CMYA5: variants seen among roughly 807,000 people sequenced by gnomAD.
CMYA5 encodes cardiomyopathy associated 5.
Under a neutral mutation model 318.9 loss-of-function variants are expected in CMYA5, and 246 were observed. The ratio of observed to expected loss-of-function variants is 0.77; its 90% confidence interval spans 0.70 to 0.86. CMYA5 has a LOEUF of 0.86. Among genes scored for constraint, CMYA5 ranks in the 40% least tolerant of loss-of-function variants. The probability of loss-of-function intolerance (pLI) is 0.00; values close to 1 mark genes in which losing one functional copy is unlikely to be tolerated. For missense variants in CMYA5, 4,589 were observed against 4,678.2 expected (o/e 0.98, Z 0.56); for synonymous variants, 1,641 against 1,729.5 (o/e 0.95, Z 1.27).
At chr5:79,703,894 C>T (rs184948700) in intron 1 of CMYA5, among the ~76,000 whole-genome samples, 2 of 152,266 alleles carry the variant, frequency 1.3e-5, no homozygotes, top group African/African-American at 4.8e-5. Flanking sequence ...AGTTTGAGGC[C>T]AGCCTTGTCC....
At position 79,737,933 on chromosome 5, in the gene CMYA5, T is replaced by A. The variant is rs746005901; in HGVS notation, c.9168T>A (p.Tyr3056Ter). Residue 3056 changes from tyrosine (Y) to a stop codon, truncating the protein, a stop_gained, in exon 2 of 13, where the codon TAT becomes TAA. Transcript: ENST00000446378. LOFTEE classifies it high-confidence loss of function. Reference sequence around the variant, plus strand: ...GTGAAGAGGATTATTTTGAAAAATATACTTTGATTGATTATAACATCTCCC... The same window carrying A: ...GTGAAGAGGATTATTTTGAAAAATAAACTTTGATTGATTATAACATCTCCC... ...IPSEEDYFEK[Y>*]TLIDYNISPD... The A allele has an allele frequency of 1.2e-6, 2 of 1,607,416 alleles. No homozygotes were observed. The highest frequency in any genetic ancestry group is 1.7e-6 in the Non-Finnish European group (2 of 1,178,414).
At chr5:79,709,983 AAAAAAGAAAGAAAG>A in intron 1 of CMYA5, among the ~76,000 whole-genome samples, 1 of 149,794 alleles carries the variant, frequency 6.7e-6, no homozygotes, top group Non-Finnish European at 1.5e-5. Flanking sequence ...AAAAAAAAAA[AAAAAAGAAAGAAAG>A]AAAAAGAAAA....
chr5:79,772,113 A>G lies in CMYA5; in HGVS notation c.11555+8904A>G, dbSNP rs183194839. Among the ~76,000 whole-genome samples the G allele has an allele frequency of 1.7e-3, 249 of 149,778 alleles. 5 individuals carry two copies. The highest frequency in any genetic ancestry group is 2.2e-4 in the Non-Finnish European group (15 of 66,996). On this transcript the variant is annotated intron_variant, in intron 9 of 12. Coordinates refer to ENST00000446378, the MANE Select transcript of CMYA5 (RefSeq NM_153610.5). The stretch of plus-strand genomic sequence containing the variant: ...AGCCAGAGAAACCAATGACAGTTCC[A>G]TTTGTAGGAAAAAAAAAAGACCATC...
In CMYA5 at chr5:79,773,526, G is replaced by A. The variant is rs1006753577; in HGVS notation, c.11555+10317G>A. ...CTGGATTTCATGCAAAAACTCTATA[G>A]TACTAAACTAGCTCCAAAAATTGAT... is the stretch of plus-strand genomic sequence containing the variant. On this transcript the variant is annotated intron_variant, in intron 9 of 12. Coordinates refer to ENST00000446378, the MANE Select transcript of CMYA5 (RefSeq NM_153610.5). Among the ~76,000 whole-genome samples the A allele has an allele frequency of 1.7e-4, 26 of 152,154 alleles. 1 individual carries two copies. Among genetic ancestry groups the A allele is most frequent in the African/African-American group, 5.5e-4 (23 of 41,442 alleles).
intron 1 of CMYA5, among the ~76,000 whole-genome samples, chr5:79,723,215 T>C (rs561089986): frequency 1.3e-5 from 2 of 151,046 alleles, no homozygotes; most frequent in African/African-American, 4.9e-5. Context: ...CCGAGGTGGG[T>C]GCATCATGAG....
At chr5:79,792,573 A>G (rs1829199383) in intron 11 of CMYA5, among the ~76,000 whole-genome samples, 1 of 152,298 alleles carries the variant, frequency 6.6e-6, no homozygotes, top group East Asian at 1.9e-4. Flanking sequence ...GAGGTTGAGT[A>G]AAGACATGAA....
chr5:79,694,789 G>A (rs1827035589), intron 1 of CMYA5, among the ~76,000 whole-genome samples: 2 of 152,246 alleles, frequency 1.3e-5, no homozygotes, highest in African/African-American at 4.8e-5. Flanking sequence ...GCTTACCTAG[G>A]TGTTTTGACA....
chr5:79,733,420 C>T lies in CMYA5; in HGVS notation c.4655C>T (p.Pro1552Leu). 1 of 1,613,774 alleles carries T rather than the reference C, an allele frequency of 6.2e-7. No homozygotes were observed. The highest frequency in any genetic ancestry group is 8.5e-7 in the Non-Finnish European group (1 of 1,179,830). The change falls in exon 2 of 13, where the codon CCT (proline) becomes CTT (leucine). Residue 1552 changes from proline to leucine, a missense_variant. Physicochemically the swap from Pro to Leu is moderately conservative, Grantham distance 98 (BLOSUM62 -3). This residue lies in a region of CMYA5 where 2,132 missense variants were observed against 2,131.3 expected (regional missense o/e 1.00). Transcript: ENST00000446378. ...TELPSSQNVS[P>L]ASKHIIPKGK... Reference sequence around the variant, plus strand: ...CTTCCTTCATCACAAAATGTGTCACCTGCATCCAAACATATAATCCCAAAA... The same window carrying T: ...CTTCCTTCATCACAAAATGTGTCACTTGCATCCAAACATATAATCCCAAAA...
In CMYA5 at chr5:79,733,022, G is replaced by A; in HGVS notation, c.4257G>A (p.Val1419=). The A allele has an allele frequency of 1.2e-6, 2 of 1,613,280 alleles. No individual in the cohort carries two copies. Among genetic ancestry groups the A allele is most frequent in the Non-Finnish European group, 1.7e-6 (2 of 1,179,618 alleles). Residue 1419 remains valine, a synonymous_variant, in exon 2 of 13, where the codon GTG becomes GTA. Coordinates refer to ENST00000446378, the MANE Select transcript of CMYA5 (RefSeq NM_153610.5). ...EHSVLAEEDK[V]AIKGASPIET... Reference sequence around the variant, plus strand: ...CAGTTCTTGCAGAAGAAGACAAGGTGGCAATTAAAGGTGCTTCTCCCATTG... The same window carrying A: ...CAGTTCTTGCAGAAGAAGACAAGGTAGCAATTAAAGGTGCTTCTCCCATTG...
In CMYA5 at chr5:79,729,680, C is replaced by T. The variant is rs76977444; in HGVS notation, c.915C>T (p.Gly305=). 0.011 allele frequency: 17,712 copies of T among 1,613,538 alleles called. 150 individuals carry two copies. Among genetic ancestry groups the T allele is most frequent in the Middle Eastern group, 0.015 (92 of 6,062 alleles). Residue 305 remains glycine, a synonymous_variant, in exon 2 of 13, where the codon GGC becomes GGT. Transcript: ENST00000446378. ...AAGAGGTTTTTCCACCCTGGAGAGG[C>T]GCACTCTCCAAAGGATCAGAGTCCC... is the stretch of plus-strand genomic sequence containing the variant. ...KVKEVFPPWR[G]ALSKGSESLT... is the part of the protein sequence containing the mutation.
At chr5:79,695,904 C>T (rs1219870359) in intron 1 of CMYA5, among the ~76,000 whole-genome samples, 1 of 152,178 alleles carries the variant, frequency 6.6e-6, no homozygotes, top group African/African-American at 2.4e-5. Context: ...GGTTCCAGCT[C>T]TTGTGCTGCT....
chr5:79,696,823 T>C (rs1446127739), intron 1 of CMYA5, among the ~76,000 whole-genome samples: 2 of 152,068 alleles, frequency 1.3e-5, no homozygotes, highest in Non-Finnish European at 2.9e-5. Flanking sequence ...CTGGCCAACA[T>C]GGCGAAACCC....
rs1828032853 is a variant in CMYA5 at position 79,735,378 on chromosome 5, C to T, written c.6613C>T (p.Gln2205Ter). 1.9e-6 allele frequency: 3 copies of T among 1,613,870 alleles called. No homozygotes were observed. Among genetic ancestry groups the T allele is most frequent in the Non-Finnish European group, 2.5e-6 (3 of 1,179,806 alleles). Residue 2205 changes from glutamine (Q) to a stop codon, truncating the protein, a stop_gained, in exon 2 of 13, where the codon CAG (glutamine) becomes TAG (stop). Coordinates refer to ENST00000446378, the MANE Select transcript of CMYA5 (RefSeq NM_153610.5). LOFTEE classifies it high-confidence loss of function. ...KVAEQEDLET[Q>*]PSPSVEKAVT... Reference sequence around the variant, plus strand: ...TGCTGAACAAGAAGACTTAGAAACACAGCCAAGTCCATCCGTAGAAAAAGC... The same window carrying T: ...TGCTGAACAAGAAGACTTAGAAACATAGCCAAGTCCATCCGTAGAAAAAGC...
intron 1 of CMYA5, among the ~76,000 whole-genome samples, chr5:79,727,880 C>T (rs546947021): frequency 1.1e-4 from 17 of 152,290 alleles, no homozygotes; most frequent in Admixed American, 7.2e-4. Context: ...GACCAGTCCA[C>T]GGACACAGCC....
In CMYA5 at chr5:79,799,363, A is replaced by T; in HGVS notation, c.11964-7A>T. ...AGTTTTATGTTTCCCATTCGCTTTC[A>T]TTTCAGATACACATTTTTCTACAGT... On this transcript the variant is annotated splice_region_variant and splice_polypyrimidine_tract_variant and intron_variant, in intron 12 of 12. Transcript: ENST00000446378. 6.3e-7 allele frequency: 1 copy of T among 1,586,190 alleles called. No homozygotes were observed. The highest frequency in any genetic ancestry group is 1.3e-5 in the African/African-American group (1 of 74,470).
intron 9 of CMYA5, among the ~76,000 whole-genome samples, chr5:79,788,232 A>G (rs962779933): frequency 2.7e-5 from 4 of 149,128 alleles, no homozygotes; most frequent in African/African-American, 7.4e-5. Flanking sequence ...TTTTTTCTTA[A>G]TTCATGCTCT....
At chr5:79,767,812 A>G (rs535969258) in intron 9 of CMYA5, among the ~76,000 whole-genome samples, 72 of 152,324 alleles carry the variant, frequency 4.7e-4, no homozygotes, top group Non-Finnish European at 9.1e-4. Flanking sequence ...GTAGATGTCT[A>G]TTAGGTCTGC....
At chr5:79,714,431 CTTTTTTTT>C (rs71615553) in intron 1 of CMYA5, among the ~76,000 whole-genome samples, 1 of 100,676 alleles carries the variant, frequency 9.9e-6, no homozygotes, top group African/African-American at 4.3e-5. Context: ...TTTTCTTTTT[CTTTTTTTT>C]TTTTTTTTTT....
chr5:79,759,447 C>T (rs1309698242), intron 7 of CMYA5, among the ~76,000 whole-genome samples: 2 of 152,212 alleles, frequency 1.3e-5, no homozygotes, highest in African/African-American at 2.4e-5. Context: ...GTTCCCAGGG[C>T]GTGGGCCTAG....
Sources: gnomAD v4.1 joint callset for allele counts (sites outside exome capture counted in the v4.1 genomes callset) on GRCh38, gnomAD v4.1.1 for gene constraint, gnomAD v4.1.1 regional missense constraint, MANE v1.5 for transcripts, NCBI Gene and HGNC (gene_info 2026-07-23, HGNC 2026-07-21) for gene names.